PLBD1: variants seen among roughly 807,000 people sequenced by gnomAD.
PLBD1 encodes phospholipase B domain containing 1, also known as lysosomal leucine aminopeptidase.
Under a neutral mutation model 63.0 loss-of-function variants are expected in PLBD1, and 60 were observed. The ratio of observed to expected loss-of-function variants is 0.95; its 90% CI spans 0.77 to 1.18. PLBD1 has a LOEUF of 1.18. Ranked by LOEUF, PLBD1 falls within the 50% of genes most tolerant of loss-of-function variation. PLBD1 has a pLI of 0.00. For missense variants in PLBD1, 598 were observed against 677.9 expected (o/e 0.88, Z 1.31); for synonymous variants, 262 against 248.0 (o/e 1.06, Z -0.53).
At chr12:14,516,767 G>A (rs1008772169) in intron 6 of PLBD1, among the ~76,000 whole-genome samples, 1 of 152,114 alleles carries the variant, frequency 6.6e-6, no homozygotes, top group African/African-American at 2.4e-5. Context: ...GGCCAGGCAA[G>A]GTGGCTTATG....
intron 6 of PLBD1, among the ~76,000 whole-genome samples, chr12:14,522,298 A>G (rs1591997357): frequency 6.6e-6 from 1 of 152,222 alleles, no homozygotes; most frequent in South Asian, 2.1e-4. Context: ...AAACTTAACG[A>G]AAATTGAATC....
chr12:14,530,833 G>T (rs1375586975), intron 6 of PLBD1, among the ~76,000 whole-genome samples: 4 of 152,118 alleles, frequency 2.6e-5, no homozygotes, highest in African/African-American at 9.7e-5. Context: ...AATGTGTGGG[G>T]AGGGCTAGTG....
At chr12:14,552,589 A>G (rs1945668143) in intron 2 of PLBD1, among the ~76,000 whole-genome samples, 1 of 152,134 alleles carries the variant, frequency 6.6e-6, no homozygotes, top group Admixed American at 6.5e-5. Context: ...GTAGGATGAA[A>G]TGACTTTGCT....
intron 1 of PLBD1, among the ~76,000 whole-genome samples, chr12:14,557,145 G>A (rs868535594): frequency 2.0e-5 from 3 of 152,080 alleles, no homozygotes; most frequent in Middle Eastern, 6.8e-3. Flanking sequence ...AGTCAAAATG[G>A]CTATTATTTA....
chr12:14,515,204 G>C (rs772739478), intron 6 of PLBD1, among the ~76,000 whole-genome samples: 1 of 152,150 alleles, frequency 6.6e-6, no homozygotes, highest in Non-Finnish European at 1.5e-5. Context: ...TGCATGTTGA[G>C]ACAGGGTGGA....
chr12:14,512,453 T>G (rs1945306029), intron 6 of PLBD1, among the ~76,000 whole-genome samples: 2 of 152,168 alleles, frequency 1.3e-5, no homozygotes, highest in South Asian at 4.1e-4. Context: ...CGGCTAAGTC[T>G]ACATAATTTT....
chr12:14,511,133 G>T, intron 8 of PLBD1, 127 bp downstream of exon 8: 2 of 963,840 alleles, frequency 2.1e-6, no homozygotes, highest in Non-Finnish European at 3.0e-6. Flanking sequence ...GTGTAATATA[G>T]CATCCCCATC....
At position 14,506,242 on chromosome 12, in the gene PLBD1, C is replaced by A; in HGVS notation, c.1399G>T (p.Gly467Cys). 6.2e-7 allele frequency: 1 copy of A among 1,611,840 alleles called. No individual in the cohort carries two copies. The highest frequency in any genetic ancestry group is 8.5e-7 in the Non-Finnish European group (1 of 1,178,318). ...NNYKKDPYSR[G>C]DPCNTICCRE... ...CAGCAGATGGTATTACAGGGGTCAC[C>A]TCTACTGTAAGGATCCTTCTTATAA... Residue 467 changes from glycine to cysteine, a missense_variant, in exon 10 of 11, where the codon GGT becomes TGT. Gly to Cys is a radical substitution (Grantham distance 159). Coordinates refer to ENST00000240617, the MANE Select transcript of PLBD1 (RefSeq NM_024829.6).
In PLBD1 at chr12:14,536,594, C is replaced by G. The variant is rs1272334874; in HGVS notation, c.675G>C (p.Met225Ile). 4 of 1,614,200 alleles carry G rather than the reference C, an allele frequency of 2.5e-6. No homozygotes were observed. The East Asian group carries it at 8.9e-5, about 36-fold the overall frequency. The change falls in exon 5 of 11, where the codon ATG becomes ATC. Residue 225 changes from methionine (M) to isoleucine (I), a missense_variant. Physicochemically the swap from Met to Ile is conservative, Grantham distance 10. Transcript: ENST00000240617. ...CCTTGATAAGAGCGGAGCAATGTCC[C>G]ATGTCCCATCTCTTAAAAACCTTTA... is the stretch of plus-strand genomic sequence containing the variant. ...GSLKVFKRWDMGHCSALIKVL... is the reference protein window; with the variant it reads ...GSLKVFKRWDIGHCSALIKVL...
chr12:14,536,929 A>T (rs1275076849), intron 4 of PLBD1, among the ~76,000 whole-genome samples: 1 of 151,954 alleles, frequency 6.6e-6, no homozygotes, highest in Admixed American at 6.6e-5. Flanking sequence ...TCTCTACTGA[A>T]AATACAAAAA....
chr12:14,521,309 C>A (rs972852014), intron 6 of PLBD1, among the ~76,000 whole-genome samples: 17 of 152,132 alleles, frequency 1.1e-4, no homozygotes, highest in Admixed American at 1.0e-3. Flanking sequence ...CCACACCTTA[C>A]CCTGAAGGAG....
chr12:14,527,137 T>A (rs1945422877), intron 6 of PLBD1, among the ~76,000 whole-genome samples: 1 of 152,200 alleles, frequency 6.6e-6, no homozygotes, highest in African/African-American at 2.4e-5. Context: ...AATTTTAAGA[T>A]ATACTTAGAA....
intron 9 of PLBD1, among the ~76,000 whole-genome samples, chr12:14,506,695 T>C (rs766839876): frequency 4.6e-5 from 7 of 151,132 alleles, no homozygotes; most frequent in South Asian, 2.1e-4. Flanking sequence ...TTATTTCTTC[T>C]GTGTTTTACA....
chr12:14,528,528 A>G (rs752063538), intron 6 of PLBD1, among the ~76,000 whole-genome samples: 2 of 152,206 alleles, frequency 1.3e-5, no homozygotes, highest in Non-Finnish European at 2.9e-5. Flanking sequence ...ATTAGAAAAT[A>G]TTCTAAATGG....
intron 1 of PLBD1, among the ~76,000 whole-genome samples, chr12:14,566,858 G>A (rs1266326910): frequency 6.6e-6 from 1 of 151,284 alleles, no homozygotes; most frequent in Non-Finnish European, 1.5e-5. Flanking sequence ...CACTTTGGGA[G>A]GCCGAGGCAG....
chr12:14,557,091 A>G (rs1173032929), intron 1 of PLBD1, among the ~76,000 whole-genome samples: 6 of 152,074 alleles, frequency 3.9e-5, no homozygotes, highest in African/African-American at 1.4e-4. Flanking sequence ...ACTGATAATT[A>G]GCAAAATGCA....
chr12:14,513,719 T>C (rs1478221503), intron 6 of PLBD1, among the ~76,000 whole-genome samples: 2 of 152,194 alleles, frequency 1.3e-5, no homozygotes, highest in African/African-American at 4.8e-5. Flanking sequence ...CTGATTTTAA[T>C]TTCTTGAAAT....
chr12:14,567,000 G>C (rs921680241), intron 1 of PLBD1, among the ~76,000 whole-genome samples: 6 of 151,940 alleles, frequency 3.9e-5, no homozygotes, highest in Non-Finnish European at 8.8e-5. Context: ...GAAGCTGAGG[G>C]AGGAGAATCG....
chr12:14,532,083 C>G (rs1336474635), intron 6 of PLBD1, among the ~76,000 whole-genome samples: 1 of 152,144 alleles, frequency 6.6e-6, no homozygotes, highest in Non-Finnish European at 1.5e-5. Flanking sequence ...ATGCTGAACC[C>G]TCCCCCACCT....
Sources: allele counts gnomAD v4.1 joint callset (sites outside exome capture counted in the v4.1 genomes callset), GRCh38; gene constraint gnomAD v4.1.1; transcripts MANE v1.5; gene names NCBI Gene and HGNC (gene_info 2026-07-23, HGNC 2026-07-21).